Variants in FAM135B observed in about 807,000 individuals in gnomAD.
FAM135B encodes protein FAM135B.
Under a neutral mutation model 127.7 loss-of-function variants are expected in FAM135B, and 43 were observed. The ratio of observed to expected loss-of-function variants is 0.34; its 90% CI spans 0.26 to 0.43. FAM135B has a LOEUF of 0.43. FAM135B is among the 20% of genes least tolerant of loss of function. The pLI, the probability that FAM135B is intolerant of heterozygous loss-of-function variation, is 1.00. For synonymous variants in FAM135B, 670 were observed against 665.1 expected (o/e 1.01, Z -0.11); for missense variants, 1,558 against 1,725.6 (o/e 0.90, Z 1.72).
At chr8:138,393,024 G>A (rs549682032) in intron 1 of FAM135B, among the ~76,000 whole-genome samples, 78 of 152,284 alleles carry the variant, frequency 5.1e-4, no homozygotes, top group Non-Finnish European at 9.0e-4. Flanking sequence ...CAATCATGGC[G>A]GAAGGTGAGG....
At chr8:138,422,346 T>G (rs957766479) in intron 1 of FAM135B, among the ~76,000 whole-genome samples, 3 of 152,046 alleles carry the variant, frequency 2.0e-5, no homozygotes, top group African/African-American at 4.8e-5. Flanking sequence ...CCTACAGAAT[T>G]GGAGAGAATA....
chr8:138,262,605 A>G (rs559795954), intron 4 of FAM135B, among the ~76,000 whole-genome samples: 15 of 152,246 alleles, frequency 9.9e-5, no homozygotes, highest in African/African-American at 2.4e-4. Flanking sequence ...GAAGATTTAG[A>G]AAAAGCAACT....
chr8:138,239,984 C>G (rs928996697), intron 7 of FAM135B, among the ~76,000 whole-genome samples: 12 of 138,790 alleles, frequency 8.6e-5, no homozygotes, highest in Non-Finnish European at 6.0e-5. Context: ...GAACATCACA[C>G]ACCAGGGCCT....
chr8:138,435,090 G>T (rs893611194), intron 1 of FAM135B, among the ~76,000 whole-genome samples: 1 of 151,990 alleles, frequency 6.6e-6, no homozygotes, highest in Non-Finnish European at 1.5e-5. Context: ...GGTGGATCAC[G>T]AGGTCAGGAG....
chr8:138,417,341 C>T (rs924559455), intron 1 of FAM135B, among the ~76,000 whole-genome samples: 1 of 152,220 alleles, frequency 6.6e-6, no homozygotes, highest in Non-Finnish European at 1.5e-5. Flanking sequence ...CTTTCACTGG[C>T]AGACCTGCCT....
intron 12 of FAM135B, among the ~76,000 whole-genome samples, chr8:138,155,332 T>C (rs563037925): frequency 1.4e-3 from 212 of 152,310 alleles, no homozygotes; most frequent in African/African-American, 4.9e-3. Context: ...TACCAGCCAC[T>C]GCAAACACAT....
intron 19 of FAM135B, among the ~76,000 whole-genome samples, chr8:138,136,046 T>C (rs1304819679): frequency 3.3e-5 from 5 of 152,046 alleles, no homozygotes; most frequent in African/African-American, 1.2e-4. Flanking sequence ...TTCTATAATG[T>C]TTTTAATCAG....
chr8:138,384,016 G>A (rs1412599063), intron 1 of FAM135B, among the ~76,000 whole-genome samples: 2 of 152,170 alleles, frequency 1.3e-5, no homozygotes, highest in Non-Finnish European at 2.9e-5. Flanking sequence ...GTTTTGGAAT[G>A]TCCATCTTCA....
At chr8:138,426,786 G>T (rs553999813) in intron 1 of FAM135B, among the ~76,000 whole-genome samples, 2 of 151,604 alleles carry the variant, frequency 1.3e-5, no homozygotes, top group South Asian at 4.2e-4. Flanking sequence ...TATGAGACAC[G>T]AATTATGATA....
intron 1 of FAM135B, among the ~76,000 whole-genome samples, chr8:138,456,646 A>G (rs1292338806): frequency 6.6e-6 from 1 of 152,238 alleles, no homozygotes; most frequent in Non-Finnish European, 1.5e-5. Context: ...CCAGCTGGAA[A>G]AAACAAGCTC....
intron 1 of FAM135B, among the ~76,000 whole-genome samples, chr8:138,466,187 G>A (rs1002870787): frequency 9.2e-5 from 14 of 152,208 alleles, no homozygotes; most frequent in South Asian, 8.3e-4. Flanking sequence ...GAAGGGGCCT[G>A]CGGTGGAGGG....
chr8:138,324,650 C>A (rs1827676895), intron 2 of FAM135B, among the ~76,000 whole-genome samples: 1 of 152,128 alleles, frequency 6.6e-6, no homozygotes, highest in South Asian at 2.1e-4. Flanking sequence ...TCATCAAAAC[C>A]ATCCCTGTAT....
At chr8:138,192,200 C>A (rs1428484891) in intron 9 of FAM135B, among the ~76,000 whole-genome samples, 2 of 152,230 alleles carry the variant, frequency 1.3e-5, no homozygotes, top group Non-Finnish European at 2.9e-5. Context: ...ATGAAACCAC[C>A]ATTGCAAAAT....
intron 18 of FAM135B, among the ~76,000 whole-genome samples, chr8:138,137,904 T>C (rs751241324): frequency 7.2e-5 from 11 of 152,188 alleles, no homozygotes; most frequent in Non-Finnish European, 1.3e-4. Flanking sequence ...ACTCCATCTG[T>C]ACTGAGACTG....
intron 15 of FAM135B, 42 bp downstream of exon 15, chr8:138,145,917 G>T: frequency 9.9e-7 from 1 of 1,012,200 alleles, no homozygotes; most frequent in Non-Finnish European, 1.6e-6. Context: ...ATATAAGCAT[G>T]CATCCAGGGT....
intron 1 of FAM135B, among the ~76,000 whole-genome samples, chr8:138,405,448 G>A (rs1833421169): frequency 1.4e-5 from 2 of 145,644 alleles, no homozygotes; most frequent in South Asian, 4.4e-4. Flanking sequence ...CCACCTATGA[G>A]TGAGAACATG....
chr8:138,392,119 A>T (rs1433741520), intron 1 of FAM135B, among the ~76,000 whole-genome samples: 1 of 152,240 alleles, frequency 6.6e-6, no homozygotes, highest in Non-Finnish European at 1.5e-5. Flanking sequence ...TCACACATTC[A>T]GATAACGTCT....
intron 11 of FAM135B, among the ~76,000 whole-genome samples, chr8:138,171,605 C>G (rs1342421372): frequency 6.6e-6 from 1 of 152,172 alleles, no homozygotes; most frequent in Non-Finnish European, 1.5e-5. Context: ...TAAAATTAAT[C>G]AACATGGCAT....
intron 2 of FAM135B, among the ~76,000 whole-genome samples, chr8:138,317,266 G>A (rs867449467): frequency 6.6e-6 from 1 of 152,146 alleles, no homozygotes; most frequent in African/African-American, 2.4e-5. Flanking sequence ...TTTGAAAAAG[G>A]TGTATATTTC....
Sources: gnomAD v4.1 joint callset for allele counts (sites outside exome capture counted in the v4.1 genomes callset) on GRCh38, gnomAD v4.1.1 for gene constraint, MANE v1.5 for transcripts, NCBI Gene and HGNC (gene_info 2026-07-23, HGNC 2026-07-21) for gene names.